The following NEDD4 variants were observed in gnomAD, a reference collection of about 807,000 sequenced individuals.
NEDD4 encodes NEDD4 E3 ubiquitin protein ligase.
In NEDD4, 99 loss-of-function variants were observed where a neutral mutation model predicts 144.9. That is an observed-to-expected ratio of 0.68 (90% CI 0.58 to 0.81). The LOEUF (loss-of-function observed/expected upper bound fraction) is 0.81, where lower values mean the gene tolerates loss of function less well. Ranked by LOEUF, NEDD4 falls within the 30% of genes least tolerant of loss-of-function variation. The pLI is 0.00. For synonymous variants in NEDD4, 318 were observed against 350.6 expected (o/e 0.91, Z 1.04); for missense variants, 985 against 1,065.9 (o/e 0.92, Z 1.06).
chr15:55,902,881 A>C (rs2035955560), intron 5 of NEDD4, among the ~76,000 whole-genome samples: 1 of 152,164 alleles, frequency 6.6e-6, no homozygotes, highest in Non-Finnish European at 1.5e-5. Flanking sequence ...GGTGCCTGTA[A>C]TCGCCGCTAG....
At chr15:55,976,008 T>C (rs962729917) in intron 1 of NEDD4, among the ~76,000 whole-genome samples, 1 of 152,068 alleles carries the variant, frequency 6.6e-6, no homozygotes, top group Admixed American at 6.6e-5. Flanking sequence ...TTGACAAAGG[T>C]GCCATGAACA....
chr15:55,852,533 G>A lies in NEDD4; in HGVS notation c.1037C>T (p.Thr346Ile), dbSNP rs553753641. 149 of 1,612,960 alleles carry A rather than the reference G, an allele frequency of 9.2e-5. 1 individual carries two copies. The East Asian group carries it at 2.0e-3, about 22-fold the overall frequency. ...EQPTLPVLLP[T>I]SSGLPPGWEE... The stretch of plus-strand genomic sequence containing the variant: ...CCAACCTGGTGGTAATCCAGATGAA[G>A]TAGGCAAAAGCTAAAGTGAAGAATA... Residue 346 changes from threonine (T) to isoleucine (I), a missense_variant, in exon 13 of 29, where the codon ACT becomes ATT. Thr to Ile is a moderately conservative substitution (Grantham distance 89). Transcript: ENST00000435532.
At chr15:55,978,172 AATGTAACAAGC>A (rs1340555954) in intron 1 of NEDD4, among the ~76,000 whole-genome samples, 2 of 152,186 alleles carry the variant, frequency 1.3e-5, no homozygotes, top group Admixed American at 6.5e-5. Flanking sequence ...TCCTGGGGAA[AATGTAACAAGC>A]ATTAATCAAA....
chr15:55,976,870 T>C (rs568641640), intron 1 of NEDD4, among the ~76,000 whole-genome samples: 1 of 152,248 alleles, frequency 6.6e-6, no homozygotes, highest in South Asian at 2.1e-4. Context: ...CCTGACCTCC[T>C]GATCCACCCG....
At chr15:55,989,950 C>T (rs1180535925) in intron 1 of NEDD4, among the ~76,000 whole-genome samples, 3 of 152,076 alleles carry the variant, frequency 2.0e-5, no homozygotes, top group Non-Finnish European at 1.5e-5. Context: ...GTCAGATCAG[C>T]AGCGGCATTA....
chr15:55,848,189 G>A (rs3759865), intron 17 of NEDD4, among the ~76,000 whole-genome samples, 183 bp downstream of exon 17: 32,084 of 152,180 alleles, frequency 0.21, 3,753 homozygotes, highest in Non-Finnish European at 0.26. Flanking sequence ...CGTAGGGTAA[G>A]GATAATGACG....
At position 55,841,415 on chromosome 15, in the gene NEDD4, T is replaced by C. The variant is rs117640519; in HGVS notation, c.1838+519A>G. On this transcript the variant is annotated intron_variant, in intron 19 of 28. Coordinates refer to ENST00000435532, the MANE Select transcript of NEDD4 (RefSeq NM_006154.4). ...TGAGGTACCCGAGGAGTCAAATTCATAGGGACAGAAAGCAGAATGGTGGCT... is the reference window on the plus strand; with the variant it reads ...TGAGGTACCCGAGGAGTCAAATTCACAGGGACAGAAAGCAGAATGGTGGCT... 4.6e-3 allele frequency among the ~76,000 whole-genome samples: 705 copies of C among 152,222 alleles called. 2 individuals carry two copies. Among genetic ancestry groups the C allele is most frequent in the Non-Finnish European group, 7.2e-3 (491 of 68,024 alleles).
intron 24 of NEDD4, among the ~76,000 whole-genome samples, chr15:55,836,716 C>T (rs2033218639): frequency 6.6e-6 from 1 of 152,110 alleles, no homozygotes; most frequent in Non-Finnish European, 1.5e-5. Flanking sequence ...TTAGTAGAGA[C>T]AGGGTTTCAC....
intron 18 of NEDD4, among the ~76,000 whole-genome samples, chr15:55,842,378 G>T (rs8031043): frequency 0.22 from 33,032 of 151,992 alleles, 3,895 homozygotes; most frequent in East Asian, 0.33. Context: ...TAGTAATATA[G>T]ACTTCTTTAC....
At chr15:55,927,499 G>A (rs558748291) in intron 4 of NEDD4, among the ~76,000 whole-genome samples, 3 of 152,220 alleles carry the variant, frequency 2.0e-5, no homozygotes, top group Admixed American at 6.5e-5. Flanking sequence ...GTCTCACTGT[G>A]TTGCCTAGGC....
chr15:55,889,665 T>C (rs149061862), intron 5 of NEDD4, among the ~76,000 whole-genome samples: 5 of 152,098 alleles, frequency 3.3e-5, no homozygotes, highest in Non-Finnish European at 5.9e-5. Flanking sequence ...AGGGTAACTT[T>C]AGTCAAAAAT....
intron 5 of NEDD4, among the ~76,000 whole-genome samples, chr15:55,907,368 A>T (rs937253645): frequency 1.3e-5 from 2 of 152,150 alleles, no homozygotes; most frequent in Non-Finnish European, 2.9e-5. Context: ...AAGTAATTAA[A>T]TCATATGGGC....
chr15:55,957,212 G>A (rs1216945724), intron 2 of NEDD4, among the ~76,000 whole-genome samples: 2 of 152,060 alleles, frequency 1.3e-5, no homozygotes, highest in Admixed American at 6.5e-5. Context: ...ATTCCTTGGG[G>A]CTTTCTACGT....
rs56285555 is a variant in NEDD4 at position 55,974,891 on chromosome 15, C to CTTTTTTTTTTTT, written c.46-8357_46-8346dup. ...TAAGGATGTCCATTTCTTTTCCTTT[C>CTTTTTTTTTTTT]TTTTTTTTTTTTTTTTTTTTTGAGA... On this transcript the variant is annotated intron_variant, in intron 1 of 28. Transcript: ENST00000435532. 7.9e-3 allele frequency among the ~76,000 whole-genome samples: 599 copies of CTTTTTTTTTTTT among 75,660 alleles called. 66 individuals carry two copies. Among genetic ancestry groups the CTTTTTTTTTTTT allele is most frequent in the Non-Finnish European group, 0.012 (493 of 40,706 alleles). 49.6% of individuals were successfully genotyped at this position (75,660 alleles called of 152,430 possible).
chr15:55,897,174 T>C (rs1309127883), intron 5 of NEDD4, among the ~76,000 whole-genome samples: 5 of 152,006 alleles, frequency 3.3e-5, no homozygotes, highest in African/African-American at 1.2e-4. Flanking sequence ...GGGGTTTCAC[T>C]GTGTTACCCA....
intron 8 of NEDD4, among the ~76,000 whole-genome samples, chr15:55,868,317 C>T (rs1477768421): frequency 1.3e-5 from 2 of 152,122 alleles, no homozygotes; most frequent in African/African-American, 2.4e-5. Flanking sequence ...CAAATAAGAA[C>T]CCTCCAGAGC....
At chr15:55,918,440 A>G (rs1285694471) in intron 5 of NEDD4, among the ~76,000 whole-genome samples, 1 of 152,188 alleles carries the variant, frequency 6.6e-6, no homozygotes, top group African/African-American at 2.4e-5. Context: ...AGTAATAAAT[A>G]TATACTGGCT....
intron 5 of NEDD4, chr15:55,915,569 T>G (rs1322544126): frequency 6.2e-7 from 1 of 1,613,930 alleles, no homozygotes; most frequent in Non-Finnish European, 8.5e-7. Context: ...ATGGCAAACA[T>G]GCAGATGTCC....
Position 55,915,852 on chromosome 15 carries a change from C to T in NEDD4, c.291+8794G>A, listed in dbSNP as rs770359798. 4.3e-6 allele frequency: 7 copies of T among 1,613,818 alleles called. No homozygotes were observed. The South Asian group carries it at 4.4e-5, about 10-fold the overall frequency. ...GGGGGTACAAATTGTTTTAGATAAC[C>T]GAAGTCCATTGACAGCTGTTGAAAG... On this transcript the variant is annotated intron_variant, in intron 5 of 28. Coordinates refer to ENST00000435532, the MANE Select transcript of NEDD4 (RefSeq NM_006154.4).
Sources: allele counts gnomAD v4.1 joint callset (sites outside exome capture counted in the v4.1 genomes callset), GRCh38; gene constraint gnomAD v4.1.1; transcripts MANE v1.5; gene names NCBI Gene and HGNC (gene_info 2026-07-23, HGNC 2026-07-21).